Variants in RARB observed in about 807,000 individuals in gnomAD.
RARB encodes the protein retinoic acid receptor beta, also known as HBV-activated protein.
RARB carries 17 observed loss-of-function variants against 51.9 expected under a neutral mutation model. That is an observed-to-expected ratio of 0.33 (90% CI 0.22 to 0.49). RARB has a LOEUF of 0.49. Among genes scored for constraint, RARB ranks in the 20% least tolerant of loss-of-function variants. RARB has a pLI of 0.99. For synonymous variants in RARB, 215 were observed against 195.4 expected (o/e 1.10, Z -0.84); for missense variants, 369 against 550.8 (o/e 0.67, Z 3.30).
intron 3 of RARB, among the ~76,000 whole-genome samples, chr3:25,064,039 G>A (rs114213186): frequency 1.3e-5 from 2 of 152,080 alleles, no homozygotes; most frequent in African/African-American, 4.8e-5. Context: ...GATTACAAAA[G>A]TTAAGGAAGA....
chr3:24,949,312 C>T (rs1695839534), intron 2 of RARB, among the ~76,000 whole-genome samples: 1 of 152,160 alleles, frequency 6.6e-6, no homozygotes, highest in Admixed American at 6.5e-5. Flanking sequence ...ATGTAGACAT[C>T]CCAAGGACCT....
intron 2 of RARB, among the ~76,000 whole-genome samples, chr3:24,906,685 A>C (rs1015388650): frequency 2.0e-5 from 3 of 151,960 alleles, no homozygotes; most frequent in Non-Finnish European, 4.4e-5. Context: ...TTTTCTAAAA[A>C]TACAAAAAAA....
At chr3:25,017,742 T>C (rs1349962474) in intron 2 of RARB, among the ~76,000 whole-genome samples, 66 of 152,194 alleles carry the variant, frequency 4.3e-4, no homozygotes, top group Admixed American at 4.3e-3. Flanking sequence ...GCCAATCACT[T>C]AGTTTTTAAA....
At chr3:25,527,989 G>A (rs1387323606) in intron 3 of RARB, among the ~76,000 whole-genome samples, 1 of 152,220 alleles carries the variant, frequency 6.6e-6, no homozygotes, top group Non-Finnish European at 1.5e-5. Context: ...CGGGAGGCCT[G>A]TGGATGAGGT....
intron 3 of RARB, among the ~76,000 whole-genome samples, chr3:25,566,766 G>A (rs901153093): frequency 6.6e-6 from 1 of 152,222 alleles, no homozygotes; most frequent in Non-Finnish European, 1.5e-5. Flanking sequence ...GCAGACACAG[G>A]TCCTGCAGAC....
intron 2 of RARB, among the ~76,000 whole-genome samples, chr3:24,883,955 A>G (rs1442816842): frequency 6.6e-6 from 1 of 152,168 alleles, no homozygotes; most frequent in Admixed American, 6.5e-5. Context: ...CAGCAAAACC[A>G]GGTTGTTTTG....
At chr3:24,988,208 T>C (rs1168196835) in intron 2 of RARB, among the ~76,000 whole-genome samples, 3 of 152,230 alleles carry the variant, frequency 2.0e-5, no homozygotes, top group Non-Finnish European at 4.4e-5. Context: ...TATGTAAATA[T>C]GATTGATACG....
chr3:25,184,698 T>C lies in RARB; in HGVS notation c.178+10123T>C, dbSNP rs144537982. ...GTTGTTCATGATCAATTTACATCAA[T>C]TGATACATGTAAGCTACTTATAACA... On this transcript the variant is annotated intron_variant, in intron 5 of 11. Coordinates refer to the RARB transcript ENST00000383772. 2.7e-3 allele frequency among the ~76,000 whole-genome samples: 418 copies of C among 152,226 alleles called. 2 individuals are homozygous for C. The highest frequency in any genetic ancestry group is 9.6e-3 in the African/African-American group (400 of 41,544).
intron 3 of RARB, among the ~76,000 whole-genome samples, chr3:25,544,719 C>T (rs115634233): frequency 0.016 from 2,498 of 152,304 alleles, 32 homozygotes; most frequent in South Asian, 0.034. Flanking sequence ...ACATTACAGG[C>T]AATATCTCCA....
intron 2 of RARB, among the ~76,000 whole-genome samples, chr3:25,056,640 C>A (rs1698448031): frequency 6.6e-6 from 1 of 151,890 alleles, no homozygotes; most frequent in Non-Finnish European, 1.5e-5. Flanking sequence ...TAGTATATAC[C>A]CAATAGATAC....
intron 1 of RARB, among the ~76,000 whole-genome samples, chr3:24,836,648 A>G (rs941741579): frequency 2.6e-5 from 4 of 152,156 alleles, no homozygotes; most frequent in African/African-American, 7.2e-5. Context: ...CTCTGACCTC[A>G]TCCTTGGCCT....
intron 5 of RARB, among the ~76,000 whole-genome samples, chr3:25,205,801 G>T (rs1575218842): frequency 6.6e-6 from 1 of 151,778 alleles, no homozygotes; most frequent in South Asian, 2.1e-4. Context: ...GGAGTGCAGT[G>T]GTGCAATTAT....
chr3:25,199,149 G>A (rs192787016), intron 5 of RARB, among the ~76,000 whole-genome samples: 4 of 152,032 alleles, frequency 2.6e-5, no homozygotes, highest in Non-Finnish European at 5.9e-5. Flanking sequence ...TTGCAACAAC[G>A]TGGATGGAAC....
chr3:25,329,001 T>A (rs540746745), intron 5 of RARB, among the ~76,000 whole-genome samples: 71 of 152,252 alleles, frequency 4.7e-4, no homozygotes, highest in African/African-American at 1.7e-3. Context: ...TGCTGAGGCT[T>A]GAGTAGGTAA....
At chr3:25,120,833 T>G (rs928193191) in intron 3 of RARB, among the ~76,000 whole-genome samples, 1 of 152,142 alleles carries the variant, frequency 6.6e-6, no homozygotes, top group African/African-American at 2.4e-5. Flanking sequence ...CGAATCTAGC[T>G]GGCTGCCAAA....
intron 4 of RARB, among the ~76,000 whole-genome samples, chr3:25,138,202 T>G (rs1700059615): frequency 6.6e-6 from 1 of 152,064 alleles, no homozygotes; most frequent in South Asian, 2.1e-4. Context: ...ATTGGAGACT[T>G]TTGGGGAATA....
intron 5 of RARB, among the ~76,000 whole-genome samples, chr3:25,186,710 T>C (rs2125360698): frequency 6.6e-6 from 1 of 152,202 alleles, no homozygotes; most frequent in Non-Finnish European, 1.5e-5. Flanking sequence ...GGTGCCAACA[T>C]TTTTATAAAT....
chr3:25,502,447 C>T (rs1033665259), intron 3 of RARB, among the ~76,000 whole-genome samples: 2 of 152,268 alleles, frequency 1.3e-5, no homozygotes, highest in African/African-American at 2.4e-5. Flanking sequence ...AGCTATTGCT[C>T]AGGGATTGTA....
chr3:24,851,878 A>G (rs1702564101), intron 1 of RARB, among the ~76,000 whole-genome samples: 1 of 152,234 alleles, frequency 6.6e-6, no homozygotes, highest in African/African-American at 2.4e-5. Context: ...GAAAATCTAT[A>G]ATCATCAGAA....
Sources: gnomAD v4.1 joint callset for allele counts (sites outside exome capture counted in the v4.1 genomes callset) on GRCh38, gnomAD v4.1.1 for gene constraint, MANE v1.5 for transcripts, NCBI Gene and HGNC (gene_info 2026-07-23, HGNC 2026-07-21) for gene names.